The following SPAG17 variants were observed in gnomAD, a reference collection of about 807,000 sequenced individuals.
SPAG17 encodes sperm-associated antigen 17.
A neutral mutation model predicts 273.6 loss-of-function variants in SPAG17; 169 were observed. The ratio of observed to expected loss-of-function variants is 0.62; its 90% CI spans 0.55 to 0.70. SPAG17 has a LOEUF of 0.70. Among genes scored for constraint, SPAG17 ranks in the 30% least tolerant of loss-of-function variants. SPAG17 has a pLI of 0.00. For synonymous variants in SPAG17, 825 were observed against 873.2 expected, an observed-to-expected ratio of 0.94 and a Z score of 0.97; for missense variants, 2,557 against 2,627.8, an observed-to-expected ratio of 0.97 and a Z score of 0.59.
intron 3 of SPAG17, among the ~76,000 whole-genome samples, chr1:118,138,835 C>T (rs1246026597): frequency 6.6e-6 from 1 of 152,154 alleles, no homozygotes; most frequent in African/African-American, 2.4e-5. Flanking sequence ...TGTATCAGCA[C>T]TGAGTTAGGC....
At chr1:118,097,281 A>G (rs1169155290) in intron 7 of SPAG17, among the ~76,000 whole-genome samples, 2 of 152,112 alleles carry the variant, frequency 1.3e-5, no homozygotes, top group Non-Finnish European at 2.9e-5. Flanking sequence ...CAATGTATGA[A>G]CTGAAACATA....
Position 117,972,005 on chromosome 1 carries a change from C to T in SPAG17, c.6184G>A (p.Ala2062Thr), listed in dbSNP as rs1264629270. The T allele has an allele frequency of 1.2e-6, 2 of 1,613,886 alleles. No homozygotes were observed. Among genetic ancestry groups the T allele is most frequent in the African/African-American group, 1.3e-5 (1 of 74,998 alleles). The change falls in exon 45 of 49, where the codon GCA becomes ACA. Residue 2062 changes from alanine (A) to threonine (T), a missense_variant. Transcript: ENST00000336338. ...TTTGCATTATTAATGGCAGCAGATG[C>T]AACAGAGGATGTGTTCACTTTTCCT... ...VGGKVNTSSV[A>T]SAAINNAKSS... is the part of the protein sequence containing the mutation.
At chr1:118,021,726 G>A (rs1197334472) in intron 28 of SPAG17, among the ~76,000 whole-genome samples, 2 of 152,100 alleles carry the variant, frequency 1.3e-5, no homozygotes, top group Non-Finnish European at 2.9e-5. Context: ...AAAAGTGAGT[G>A]CATCATCTTG....
chr1:118,037,103 G>A (rs1649174377), intron 23 of SPAG17, among the ~76,000 whole-genome samples: 1 of 152,074 alleles, frequency 6.6e-6, no homozygotes, highest in Non-Finnish European at 1.5e-5. Flanking sequence ...TTAGGTTAAA[G>A]TGAAGAGAGG....
chr1:117,998,520 T>G (rs930417775), intron 32 of SPAG17, among the ~76,000 whole-genome samples: 2 of 151,830 alleles, frequency 1.3e-5, no homozygotes, highest in Non-Finnish European at 2.9e-5. Context: ...TTGCTTAGGA[T>G]TGCTTTGGCT....
At chr1:118,085,515 TGCGTGCATAC>T (rs1172422356) in intron 13 of SPAG17, among the ~76,000 whole-genome samples, 1 of 152,270 alleles carries the variant, frequency 6.6e-6, no homozygotes, top group African/African-American at 2.4e-5. Context: ...CGTGCATGCG[TGCGTGCATAC>T]GCGTGCGCGC....
intron 18 of SPAG17, among the ~76,000 whole-genome samples, chr1:118,065,916 G>T (rs971149026): frequency 2.0e-5 from 3 of 151,986 alleles, no homozygotes; most frequent in African/African-American, 7.2e-5. Context: ...TTAAATTGGA[G>T]ATCCTAGCCA....
At chr1:118,113,693 C>A (rs1008389788) in intron 4 of SPAG17, among the ~76,000 whole-genome samples, 1 of 152,006 alleles carries the variant, frequency 6.6e-6, no homozygotes, top group Non-Finnish European at 1.5e-5. Flanking sequence ...AAAATAAAAA[C>A]TCTAAGGTTC....
chr1:118,012,092 T>A (rs1557904650), intron 30 of SPAG17, 136 bp downstream of exon 30: 3 of 674,422 alleles, frequency 4.4e-6, no homozygotes, highest in East Asian at 2.9e-5. Flanking sequence ...TTGGATGGCA[T>A]GGGTTTTCTT....
At chr1:118,013,159 G>A (rs1051655220) in intron 29 of SPAG17, among the ~76,000 whole-genome samples, 1 of 152,188 alleles carries the variant, frequency 6.6e-6, no homozygotes, top group Non-Finnish European at 1.5e-5. Flanking sequence ...CTGCAGTACT[G>A]TAAATTGCAT....
intron 3 of SPAG17, among the ~76,000 whole-genome samples, chr1:118,142,485 A>G (rs1323587466): frequency 1.3e-5 from 2 of 152,204 alleles, no homozygotes; most frequent in African/African-American, 4.8e-5. Context: ...TATTTTTACC[A>G]TAATAAAAAA....
At chr1:118,106,167 T>C (rs1004578668) in intron 4 of SPAG17, among the ~76,000 whole-genome samples, 25 of 152,228 alleles carry the variant, frequency 1.6e-4, no homozygotes, top group Admixed American at 1.5e-3. Context: ...ATATTTACTG[T>C]AGTAAATTAG....
At chr1:118,156,803 T>A (rs1361151170) in intron 1 of SPAG17, among the ~76,000 whole-genome samples, 2 of 152,174 alleles carry the variant, frequency 1.3e-5, no homozygotes, top group Non-Finnish European at 2.9e-5. Flanking sequence ...GATTTCTTTT[T>A]TTTTTTCAGG....
chr1:118,019,329 T>C (rs1297652242), intron 28 of SPAG17, among the ~76,000 whole-genome samples: 1 of 152,060 alleles, frequency 6.6e-6, no homozygotes, highest in Non-Finnish European at 1.5e-5. Flanking sequence ...AAGTGTTAGA[T>C]ATTAAAAAAT....
intron 16 of SPAG17, among the ~76,000 whole-genome samples, chr1:118,074,324 A>G (rs1369678661): frequency 6.6e-6 from 1 of 152,178 alleles, no homozygotes; most frequent in Non-Finnish European, 1.5e-5. Context: ...GAGAGGAGCA[A>G]GGAGCTGGGA....
rs775847660 is a variant in SPAG17, at chr1:118,031,814, G to C, written c.3487C>G (p.Pro1163Ala). ...TILNIPSALT[P>A]TVVPVIVTVP... ...GTCACTATAACAGGAACCACTGTTGGAGTGAGTGCTGAAGGGATATTCAAT... is the reference window on the plus strand; with the variant it reads ...GTCACTATAACAGGAACCACTGTTGCAGTGAGTGCTGAAGGGATATTCAAT... The change falls in exon 25 of 49, where the codon CCA (proline) becomes GCA (alanine). Residue 1163 changes from proline to alanine, a missense_variant. Pro to Ala is a conservative substitution (Grantham distance 27). Transcript: ENST00000336338. The C allele has an allele frequency of 1.3e-5, 21 of 1,613,528 alleles. No individual in the cohort carries two copies. The highest frequency in any genetic ancestry group is 1.8e-5 in the Non-Finnish European group (21 of 1,179,604).
intron 20 of SPAG17, among the ~76,000 whole-genome samples, chr1:118,042,293 A>G (rs982003089): frequency 2.0e-5 from 3 of 151,934 alleles, no homozygotes; most frequent in African/African-American, 7.3e-5. Context: ...TTATTTTGCA[A>G]TTTCCTTCGT....
At chr1:117,981,483 T>G in intron 42 of SPAG17, 82 bp from the exon 43 acceptor site, 1 of 1,420,398 alleles carries the variant, frequency 7.0e-7, no homozygotes, top group Non-Finnish European at 9.4e-7. Flanking sequence ...GAACAAACAT[T>G]GAAGAAGGTG....
At chr1:118,082,387 A>G (rs1450036900) in intron 13 of SPAG17, among the ~76,000 whole-genome samples, 1 of 152,246 alleles carries the variant, frequency 6.6e-6, no homozygotes, top group Non-Finnish European at 1.5e-5. Flanking sequence ...ATGCAGATCA[A>G]TAATTCAGAA....
Sources: allele counts gnomAD v4.1 joint callset (sites outside exome capture counted in the v4.1 genomes callset), GRCh38; gene constraint gnomAD v4.1.1; transcripts MANE v1.5; gene names NCBI Gene and HGNC (gene_info 2026-07-23, HGNC 2026-07-21).